DGKA: variants seen among roughly 807,000 people sequenced by gnomAD.
The protein encoded by DGKA is diacylglycerol kinase alpha, also known as 80 kDa diacylglycerol kinase.
DGKA carries 35 observed loss-of-function variants against 105.0 expected under a neutral mutation model. The observed-to-expected ratio is 0.33, with a 90% CI of 0.25 to 0.44. The LOEUF (loss-of-function observed/expected upper bound fraction) is 0.44, where lower values mean the gene tolerates loss of function less well. Ranked by LOEUF, DGKA falls within the 20% of genes least tolerant of loss-of-function variation. The probability of loss-of-function intolerance (pLI) is 1.00; values close to 1 mark genes in which losing one functional copy is unlikely to be tolerated. For missense variants in DGKA, 665 were observed against 915.0 expected (o/e 0.73, Z 3.53); for synonymous variants, 296 against 332.0 (o/e 0.89, Z 1.18).
chr12:55,948,753 G>A (rs1338205644), intron 17 of DGKA, among the ~76,000 whole-genome samples: 1 of 151,992 alleles, frequency 6.6e-6, no homozygotes, highest in African/African-American at 2.4e-5. Flanking sequence ...GCTGGGCGCA[G>A]TGGCTCACGC....
chr12:55,953,445 C>G (rs780339880), intron 23 of DGKA, 35 bp downstream of exon 23: 45 of 1,606,598 alleles, frequency 2.8e-5, no homozygotes, highest in Non-Finnish European at 3.3e-5. Context: ...AAATTAAACC[C>G]TTGGGCTCCA....
intron 1 of DGKA, 69 bp from the exon 2 acceptor site, chr12:55,936,354 G>T: frequency 7.0e-7 from 1 of 1,429,806 alleles, no homozygotes; most frequent in South Asian, 1.5e-5. Context: ...AGACAGAATG[G>T]AACAGACAGA....
intron 9 of DGKA, chr12:55,939,842 C>T: frequency 1.7e-6 from 1 of 591,444 alleles, no homozygotes; most frequent in Non-Finnish European, 3.0e-6. Flanking sequence ...AAGCATTATC[C>T]AGCTCAGTTC....
chr12:55,953,540 A>G, intron 23 of DGKA, 130 bp downstream of exon 23: 1 of 1,341,222 alleles, frequency 7.5e-7, no homozygotes, highest in Non-Finnish European at 1.1e-6. Context: ...CTAAACCCTG[A>G]TTTCTCAGCC....
Position 55,953,852 on chromosome 12 carries a change from C to A in DGKA, c.*84C>A. 8.3e-7 allele frequency: 1 copy of A among 1,199,818 alleles called. No individual in the cohort carries two copies. Among genetic ancestry groups the A allele is most frequent in the Non-Finnish European group, 1.2e-6 (1 of 818,350 alleles). The allele number at this position is 1,199,818 out of a possible 1,614,324, so 74.3% of individuals were successfully genotyped here. On this transcript the variant is annotated 3_prime_UTR_variant, in exon 24 of 24. Coordinates refer to ENST00000331886, the MANE Select transcript of DGKA (RefSeq NM_001345.5). ...ACTCCCGAGGCTCTGTACATTGCTGCCACATACTCCTGCCAGCTTGGGGGA... is the reference window on the plus strand; with the variant it reads ...ACTCCCGAGGCTCTGTACATTGCTGACACATACTCCTGCCAGCTTGGGGGA...
Position 55,950,286 on chromosome 12 carries a change from TTTTTATTTTA to T in DGKA, c.1427-1317_1427-1308del, listed in dbSNP as rs577528770. 7.3e-5 allele frequency among the ~76,000 whole-genome samples: 11 copies of T among 150,830 alleles called. No homozygotes were observed. The South Asian group carries it at 1.9e-3, about 26-fold the overall frequency. ...TCGCGCCCGGCCTACACCTGGCTAATTTTTATTTTATTTTATTTTATTTTATTTTTTATTT... is the reference window on the plus strand; with the variant it reads ...TCGCGCCCGGCCTACACCTGGCTAATTTTTATTTTATTTTATTTTTTATTT... On this transcript the variant is annotated intron_variant, in intron 17 of 23. Transcript: ENST00000331886.
chr12:55,937,212 T>C (rs540379026), intron 3 of DGKA, 122 bp downstream of exon 3: 1 of 1,250,492 alleles, frequency 8.0e-7, no homozygotes, highest in South Asian at 1.3e-5. Context: ...TACCCTAGTG[T>C]CCATTGTCAC....
In DGKA at chr12:55,941,285, G is replaced by A. The variant is rs751007578; in HGVS notation, c.1135G>A (p.Val379Ile). 58 of 1,613,530 alleles carry A rather than the reference G, an allele frequency of 3.6e-5. No individual in the cohort carries two copies. The highest frequency in any genetic ancestry group is 4.2e-5 in the Non-Finnish European group (49 of 1,179,682). ...TGTTCCTAACACCCACCCACTTCTC[G>A]TCTTTGTCAATCCTAAGAGTGGCGG... Reference protein sequence around the residue: ...DPVPNTHPLLVFVNPKSGGKQ... With the variant: ...DPVPNTHPLLIFVNPKSGGKQ... The change falls in exon 14 of 24, where the codon GTC (valine) becomes ATC (isoleucine). Residue 379 changes from valine to isoleucine, a missense_variant. Val to Ile is a conservative substitution (Grantham distance 29, BLOSUM62 3). This residue lies in a region of DGKA where 504 missense variants were observed against 681.2 expected (regional missense o/e 0.74). Transcript: ENST00000331886.
intron 22 of DGKA, 95 bp downstream of exon 22, chr12:55,953,255 C>G: frequency 1.2e-6 from 2 of 1,609,956 alleles, no homozygotes; most frequent in East Asian, 2.2e-5. Flanking sequence ...TACTAGATCT[C>G]CCTCAATGAC....
At chr12:55,946,988 T>C (rs1021938955) in intron 17 of DGKA, among the ~76,000 whole-genome samples, 217 of 142,130 alleles carry the variant, frequency 1.5e-3, no homozygotes, top group African/African-American at 3.2e-3. Flanking sequence ...TTCTTTCTTT[T>C]TTTTTTTTTT....
chr12:55,953,865 C>A lies in DGKA; in HGVS notation c.*97C>A. ...TGTACATTGCTGCCACATACTCCTG[C>A]CAGCTTGGGGGAGTGTTCCTTCACC... On this transcript the variant is annotated 3_prime_UTR_variant, in exon 24 of 24. Transcript: ENST00000331886. The A allele has an allele frequency of 3.7e-6, 4 of 1,080,258 alleles. No homozygotes were observed. Among genetic ancestry groups the A allele is most frequent in the East Asian group, 2.4e-5 (1 of 41,160 alleles). 66.9% of individuals were successfully genotyped at this position (1,080,258 alleles called of 1,614,324 possible).
intron 17 of DGKA, among the ~76,000 whole-genome samples, chr12:55,946,037 C>T (rs1886920982): frequency 6.6e-6 from 1 of 152,218 alleles, no homozygotes; most frequent in Non-Finnish European, 1.5e-5. Context: ...AACCACCTGC[C>T]TCAGCCTCCC....
chr12:55,935,773 G>A (rs1884518080), intron 1 of DGKA: 1 of 639,780 alleles, frequency 1.6e-6, no homozygotes, highest in Non-Finnish European at 1.9e-6. Context: ...GGAGCTCCGC[G>A]GAACGCAGTC....
At chr12:55,936,141 G>A (rs542129019) in intron 1 of DGKA, 2 of 670,128 alleles carry the variant, frequency 3.0e-6, no homozygotes, top group African/African-American at 3.8e-5. Flanking sequence ...GGAAGGTGAG[G>A]GTGGTCAGAT....
chr12:55,929,931 C>T (rs368647110), upstream of DGKA, among the ~76,000 whole-genome samples: 9 of 152,280 alleles, frequency 5.9e-5, no homozygotes, highest in East Asian at 1.2e-3. Flanking sequence ...TATTTAGGGA[C>T]ATATCTAAAG....
At position 55,936,226 on chromosome 12, in the gene DGKA, C is replaced by G; in HGVS notation, c.-81-197C>G. 5.0e-6 allele frequency: 3 copies of G among 604,814 alleles called. 1 individual carries two copies. Among genetic ancestry groups the G allele is most frequent in the Non-Finnish European group, 7.6e-6 (3 of 397,182 alleles). 37.5% of individuals were successfully genotyped at this position (604,814 alleles called of 1,614,324 possible). ...CAGAGATGAGTCAGAGAAACAGAGACAGAGGACAGACACTGTCAGGGAAGG... is the reference window on the plus strand; with the variant it reads ...CAGAGATGAGTCAGAGAAACAGAGAGAGAGGACAGACACTGTCAGGGAAGG... On this transcript the variant is annotated intron_variant, in intron 1 of 23. Transcript: ENST00000331886.
intron 2 of DGKA, 160 bp from the exon 3 acceptor site, chr12:55,936,857 G>C: frequency 1.2e-6 from 1 of 827,536 alleles, no homozygotes; most frequent in South Asian, 1.4e-5. Context: ...GTAAAGAGTG[G>C]TACTGTTTTG....
chr12:55,933,268 C>T (rs1200676237), intron 1 of DGKA, among the ~76,000 whole-genome samples: 12 of 152,134 alleles, frequency 7.9e-5, no homozygotes, highest in Admixed American at 7.9e-4. Context: ...GTTGGTGACT[C>T]CCAGCTCTGT....
chr12:55,942,783 G>A (rs1444319235), intron 17 of DGKA: 2 of 184,758 alleles, frequency 1.1e-5, no homozygotes, highest in African/African-American at 2.4e-5. Flanking sequence ...GGTAGATAAA[G>A]AGGTCAGTGT....
Sources: allele counts gnomAD v4.1 joint callset (sites outside exome capture counted in the v4.1 genomes callset), GRCh38; gene constraint gnomAD v4.1.1; regional missense constraint gnomAD v4.1.1; transcripts MANE v1.5; gene names NCBI Gene and HGNC (gene_info 2026-07-23, HGNC 2026-07-21).